Variants in ELFN2 observed in about 807,000 individuals in gnomAD.
The protein encoded by ELFN2 is protein phosphatase 1 regulatory subunit 29.
In ELFN2, 17 loss-of-function variants were observed where a neutral mutation model predicts 45.5. That is an observed-to-expected ratio of 0.37 (90% CI 0.26 to 0.56). The LOEUF (loss-of-function observed/expected upper bound fraction) is 0.56, where lower values mean the gene tolerates loss of function less well. Among genes scored for constraint, ELFN2 ranks in the 20% least tolerant of loss-of-function variants. ELFN2 has a pLI of 0.77. For synonymous variants in ELFN2, 550 were observed against 551.5 expected (o/e 1.00, Z 0.04); for missense variants, 922 against 1,183.2 (o/e 0.78, Z 3.24).
downstream of ELFN2, among the ~76,000 whole-genome samples, chr22:37,366,819 C>T (rs7288891): frequency 0.086 from 13,117 of 152,304 alleles, 1,603 homozygotes; most frequent in African/African-American, 0.27. Context: ...CCCCTTGGGA[C>T]GGCTGCACTG....
At chr22:37,400,414 C>T (rs1932333421) in intron 2 of ELFN2, among the ~76,000 whole-genome samples, 1 of 152,234 alleles carries the variant, frequency 6.6e-6, no homozygotes, top group African/African-American at 2.4e-5. Context: ...CCTGGAGGGC[C>T]AGGGCTGCCT....
rs754646 is a variant in ELFN2, at chr22:37,414,329, G to A, written c.-463+3440C>T. On this transcript the variant is annotated intron_variant, in intron 2 of 2. Transcript: ENST00000402918. Reference sequence around the variant, plus strand: ...GGGTGCTCGGGAGGACTTCCCTGAGGAGGTGACAGTTAACCAGAACAGGAG... The same window carrying A: ...GGGTGCTCGGGAGGACTTCCCTGAGAAGGTGACAGTTAACCAGAACAGGAG... Among the ~76,000 whole-genome samples the A allele has an allele frequency of 6.1e-3, 932 of 152,280 alleles. 9 individuals carry two copies. Among genetic ancestry groups the A allele is most frequent in the African/African-American group, 0.021 (893 of 41,552 alleles).
At chr22:37,380,550 A>G (rs1157521685) in intron 2 of ELFN2, among the ~76,000 whole-genome samples, 1 of 152,108 alleles carries the variant, frequency 6.6e-6, no homozygotes, top group Non-Finnish European at 1.5e-5. Context: ...GCCTCCCAGG[A>G]GCAGGGACGT....
In ELFN2 at chr22:37,373,123, C is replaced by T. The variant is rs757599753; in HGVS notation, c.2412G>A (p.Leu804=). ...CCTTCCAGTAATCAAGGATGTCATG[C>T]AGATCCTCGTCCTTGGCGAACTGGA... The part of the protein sequence containing the change: ...KKVQFAKDED[L]HDILDYWKGV... Residue 804 remains leucine (L), a synonymous_variant, in exon 3 of 3, where the codon CTG becomes CTA. Coordinates refer to ENST00000402918, the MANE Select transcript of ELFN2 (RefSeq NM_052906.5). The T allele has an allele frequency of 3.2e-5, 52 of 1,611,218 alleles. No homozygotes were observed. Among genetic ancestry groups the T allele is most frequent in the Non-Finnish European group, 4.3e-5 (51 of 1,178,040 alleles).
At chr22:37,380,023 C>T (rs548364817) in intron 2 of ELFN2, among the ~76,000 whole-genome samples, 1 of 152,338 alleles carries the variant, frequency 6.6e-6, no homozygotes, top group South Asian at 2.1e-4. Flanking sequence ...CTTCACAACC[C>T]TCATCACCCA....
In ELFN2 at chr22:37,368,280, G is replaced by A. The variant is rs1931253990; in HGVS notation, c.*4792C>T. 1 of 152,148 alleles carries A rather than the reference G, an allele frequency of 6.6e-6. No individual in the cohort carries two copies. Among genetic ancestry groups the A allele is most frequent in the Non-Finnish European group, 1.5e-5 (1 of 68,186 alleles). The allele number at this position is 152,148 out of a possible 1,614,324, so 9.4% of individuals were successfully genotyped here. ...GCCAACTTGGGGACTGGCGGCTCCT[G>A]AGGAAGGGAGGGAGGGAGGGAAGTG... On this transcript the variant is annotated 3_prime_UTR_variant, in exon 3 of 3. Coordinates refer to ENST00000402918, the MANE Select transcript of ELFN2 (RefSeq NM_052906.5).
At chr22:37,341,743 A>G (rs1930564896) in intron 2 of ELFN2, among the ~76,000 whole-genome samples, 1 of 152,212 alleles carries the variant, frequency 6.6e-6, no homozygotes, top group Non-Finnish European at 1.5e-5. Flanking sequence ...CTGGTTCAGA[A>G]GCCAGAAATA....
At position 37,375,016 on chromosome 22, in the gene ELFN2, G is replaced by C. The variant is rs775351073; in HGVS notation, c.519C>G (p.Ser173Arg). 6.2e-7 allele frequency: 1 copy of C among 1,613,496 alleles called. No individual in the cohort carries two copies. Residue 173 changes from serine (S) to arginine (R), a missense_variant, in exon 3 of 3, where the codon AGC (serine) becomes AGG (arginine). Coordinates refer to ENST00000402918, the MANE Select transcript of ELFN2 (RefSeq NM_052906.5). Reference protein sequence around the residue: ...LSRLDGATFASLASLMVCELA... With the variant: ...LSRLDGATFARLASLMVCELA... ...GCTCACACACCATCAGGCTGGCGAGGCTGGCAAAGGTGGCACCGTCCAGGC... is the reference window on the plus strand; with the variant it reads ...GCTCACACACCATCAGGCTGGCGAGCCTGGCAAAGGTGGCACCGTCCAGGC...
intron 1 of ELFN2, among the ~76,000 whole-genome samples, chr22:37,422,952 G>C (rs932544392): frequency 6.7e-6 from 1 of 149,518 alleles, no homozygotes; most frequent in Non-Finnish European, 1.5e-5. Flanking sequence ...TCGGGGGGGG[G>C]GGGGGAAGTG....
intron 2 of ELFN2, among the ~76,000 whole-genome samples, chr22:37,386,715 C>T (rs1042862375): frequency 3.9e-5 from 6 of 152,270 alleles, no homozygotes; most frequent in Middle Eastern, 3.4e-3. Flanking sequence ...GGAGGGCCGC[C>T]GGCTGGGCAG....
At chr22:37,381,376 G>A (rs1023940810) in intron 2 of ELFN2, among the ~76,000 whole-genome samples, 1 of 152,112 alleles carries the variant, frequency 6.6e-6, no homozygotes. Flanking sequence ...AGATTTCGAT[G>A]TTTCCATCAA....
chr22:37,399,964 G>A (rs1388074659), intron 2 of ELFN2, among the ~76,000 whole-genome samples: 1 of 152,164 alleles, frequency 6.6e-6, no homozygotes, highest in East Asian at 1.9e-4. Flanking sequence ...GGACAGAGGA[G>A]GAAACTGAGG....
intron 2 of ELFN2, among the ~76,000 whole-genome samples, chr22:37,416,378 T>C (rs1156287695): frequency 6.6e-6 from 1 of 152,082 alleles, no homozygotes; most frequent in East Asian, 1.9e-4. Flanking sequence ...TCACTTCCCG[T>C]CTGATTCCTC....
intron 1 of ELFN2, among the ~76,000 whole-genome samples, chr22:37,424,451 G>A (rs1407998703): frequency 6.6e-6 from 1 of 152,156 alleles, no homozygotes; most frequent in African/African-American, 2.4e-5. Context: ...GAGTGTGCCC[G>A]TTCCTATCAC....
At chr22:37,392,504 G>A (rs1932110109) in intron 2 of ELFN2, among the ~76,000 whole-genome samples, 1 of 152,054 alleles carries the variant, frequency 6.6e-6, no homozygotes, top group Non-Finnish European at 1.5e-5. Flanking sequence ...ATTTTTAGTA[G>A]AGACAGGGTT....
rs1027976994 is a variant in ELFN2, at chr22:37,370,189, C to G, written c.*2883G>C. On this transcript the variant is annotated 3_prime_UTR_variant, in exon 3 of 3. Transcript: ENST00000402918. ...CAGAGTCCTGCTCTTTGGAAGGGCC[C>G]CTGTCCCTGCAGTCAGAGAGTCTGA... 6.6e-6 allele frequency: 1 copy of G among 152,204 alleles called. No homozygotes were observed. Among genetic ancestry groups the G allele is most frequent in the African/African-American group, 2.4e-5 (1 of 41,436 alleles). 9.4% of individuals were successfully genotyped at this position (152,204 alleles called of 1,614,324 possible).
At chr22:37,354,690 T>C (rs561574252) in intron 1 of ELFN2, 1 of 151,978 alleles carries the variant, frequency 6.6e-6, no homozygotes, top group African/African-American at 2.4e-5. Context: ...TTTGCTATCT[T>C]TCATTTAATA....
intron 1 of ELFN2, among the ~76,000 whole-genome samples, chr22:37,351,102 G>A (rs530523723): frequency 6.0e-5 from 9 of 149,784 alleles, no homozygotes; most frequent in African/African-American, 1.9e-4. Context: ...CCTCCCTTGC[G>A]GTCCCCTGGG....
chr22:37,357,963 C>A (rs1288261028), intron 1 of ELFN2, among the ~76,000 whole-genome samples: 2 of 152,194 alleles, frequency 1.3e-5, no homozygotes, highest in Non-Finnish European at 2.9e-5. Context: ...AGCCAACCTT[C>A]TCTTTGCCAG....
Sources: allele counts gnomAD v4.1 joint callset (sites outside exome capture counted in the v4.1 genomes callset), GRCh38; gene constraint gnomAD v4.1.1; transcripts MANE v1.5; gene names NCBI Gene and HGNC (gene_info 2026-07-23, HGNC 2026-07-21).